ADGRL2: variants seen among roughly 807,000 people sequenced by gnomAD.
The protein encoded by ADGRL2 is adhesion G protein-coupled receptor L2.
ADGRL2 carries 44 observed loss-of-function variants against 157.4 expected under a neutral mutation model. That is an observed-to-expected ratio of 0.28 (90% confidence interval 0.22 to 0.36). ADGRL2 has a LOEUF of 0.36. ADGRL2 is among the 10% of genes least tolerant of loss of function. The pLI is 1.00. For synonymous variants in ADGRL2, 585 were observed against 624.7 expected (o/e 0.94, Z 0.95); for missense variants, 1,510 against 1,768.9 (o/e 0.85, Z 2.63).
chr1:81,827,255 G>A (rs567051092), intron 1 of ADGRL2, among the ~76,000 whole-genome samples: 2 of 152,264 alleles, frequency 1.3e-5, no homozygotes, highest in South Asian at 4.1e-4. Context: ...AATGTAATGT[G>A]GATCTGGGAT....
At chr1:81,345,631 C>A (rs1357152239) in intron 1 of ADGRL2, among the ~76,000 whole-genome samples, 1 of 151,924 alleles carries the variant, frequency 6.6e-6, no homozygotes, top group African/African-American at 2.4e-5. Context: ...ATCTGTACAG[C>A]ACCTAGAAAA....
At position 81,821,230 on chromosome 1, in the gene ADGRL2, AAC is replaced by A. The variant is rs141147922; in HGVS notation, c.-100-15653_-100-15652del. Among the ~76,000 whole-genome samples the A allele has an allele frequency of 1.0e-3, 159 of 152,322 alleles. 1 individual carries two copies. Among genetic ancestry groups the A allele is most frequent in the African/African-American group, 3.6e-3 (151 of 41,580 alleles). ...ACGTAAAGAAAGTTTTGACAATCTTAACAAGTCCATTGTCAAACTATTACCAG... is the reference window on the plus strand; with the variant it reads ...ACGTAAAGAAAGTTTTGACAATCTTAAAGTCCATTGTCAAACTATTACCAG... On this transcript the variant is annotated intron_variant, in intron 1 of 23. Coordinates refer to ENST00000686636, the MANE Select transcript of ADGRL2 (RefSeq NM_001366006.2).
rs550437664 is a variant in ADGRL2 at position 81,715,922 on chromosome 1, T to C, written c.-143+16114T>C. On this transcript the variant is annotated intron_variant, in intron 1 of 20. Coordinates refer to the ADGRL2 transcript ENST00000359929. Reference sequence around the variant, plus strand: ...AGATGTTCTGTTCCCACAGGCATTTTTGAGCTTGGCAATGCTAAAGTTAGG... The same window carrying C: ...AGATGTTCTGTTCCCACAGGCATTTCTGAGCTTGGCAATGCTAAAGTTAGG... Among the ~76,000 whole-genome samples, 458 of 152,266 alleles carry C rather than the reference T, an allele frequency of 3.0e-3. 1 individual carries two copies. The highest frequency in any genetic ancestry group is 7.5e-3 in the South Asian group (36 of 4,830).
intron 1 of ADGRL2, among the ~76,000 whole-genome samples, chr1:81,418,244 C>T (rs777572885): frequency 6.4e-4 from 98 of 152,146 alleles, no homozygotes; most frequent in Non-Finnish European, 1.0e-3. Context: ...CTAAAAAAAT[C>T]GCAACACTAT....
intron 1 of ADGRL2, among the ~76,000 whole-genome samples, chr1:81,707,264 C>A (rs2083767643): frequency 6.6e-6 from 1 of 152,150 alleles, no homozygotes; most frequent in South Asian, 2.1e-4. Flanking sequence ...CCATAAATCA[C>A]AATCAGGCTC....
At chr1:81,513,280 G>A (rs2079112988) in intron 2 of ADGRL2, among the ~76,000 whole-genome samples, 1 of 152,050 alleles carries the variant, frequency 6.6e-6, no homozygotes, top group South Asian at 2.1e-4. Flanking sequence ...GTATCCTTAG[G>A]CATCAAAAAT....
intron 3 of ADGRL2, among the ~76,000 whole-genome samples, chr1:81,932,467 CTGTTTCACTTGTTTTA>C (rs2095247160): frequency 6.6e-6 from 1 of 152,178 alleles, no homozygotes; most frequent in Non-Finnish European, 1.5e-5. Flanking sequence ...CACTTGTTTT[CTGTTTCACTTGTTTTA>C]CTAAGTTTTA....
chr1:81,839,891 T>A (rs1387142061), intron 2 of ADGRL2, among the ~76,000 whole-genome samples: 1 of 121,576 alleles, frequency 8.2e-6, no homozygotes, highest in Non-Finnish European at 1.9e-5. Context: ...ATATTTTCCA[T>A]CATATATATA....
intron 4 of ADGRL2, among the ~76,000 whole-genome samples, chr1:81,938,628 C>T (rs946825768): frequency 2.0e-4 from 30 of 151,660 alleles, no homozygotes; most frequent in African/African-American, 6.8e-4. Flanking sequence ...CCTTTCTAGA[C>T]ATTTGCACGA....
intron 2 of ADGRL2, among the ~76,000 whole-genome samples, chr1:81,471,204 T>A (rs12039783): frequency 0.097 from 14,701 of 152,228 alleles, 1,401 homozygotes; most frequent in East Asian, 0.53. Context: ...TGGGTATATT[T>A]TATACATTTC....
At chr1:81,841,809 G>A (rs1235406348) in intron 2 of ADGRL2, among the ~76,000 whole-genome samples, 2 of 152,164 alleles carry the variant, frequency 1.3e-5, no homozygotes, top group Non-Finnish European at 2.9e-5. Context: ...ATCCATAGCT[G>A]TCACATAAAT....
chr1:81,797,574 T>A (rs1214989592), upstream of ADGRL2, among the ~76,000 whole-genome samples: 1 of 152,186 alleles, frequency 6.6e-6, no homozygotes, highest in Non-Finnish European at 1.5e-5. Flanking sequence ...CTAATCACAA[T>A]ATTCTGCACC....
At chr1:81,664,881 G>A (rs2082723980) in intron 3 of ADGRL2, among the ~76,000 whole-genome samples, 1 of 152,038 alleles carries the variant, frequency 6.6e-6, no homozygotes, top group Admixed American at 6.6e-5. Context: ...ATACGTGTGT[G>A]TTTTGGTCAT....
intron 1 of ADGRL2, among the ~76,000 whole-genome samples, chr1:81,335,964 A>C (rs1336047789): frequency 6.6e-6 from 1 of 152,238 alleles, no homozygotes; most frequent in Non-Finnish European, 1.5e-5. Context: ...GCTGGAATCT[A>C]GATTCCAAAA....
chr1:81,701,810 C>T (rs1302754773), intron 1 of ADGRL2, among the ~76,000 whole-genome samples: 1 of 152,202 alleles, frequency 6.6e-6, no homozygotes, highest in African/African-American at 2.4e-5. Flanking sequence ...TATAGTAAGC[C>T]AGATAGATAC....
intron 1 of ADGRL2, among the ~76,000 whole-genome samples, chr1:81,325,496 G>A (rs1660833531): frequency 6.6e-6 from 1 of 152,106 alleles, no homozygotes; most frequent in South Asian, 2.1e-4. Context: ...TTGCTACTGG[G>A]CAAGTCCCTC....
chr1:81,544,861 G>T (rs2079974370), intron 2 of ADGRL2, among the ~76,000 whole-genome samples: 1 of 152,188 alleles, frequency 6.6e-6, no homozygotes, highest in African/African-American at 2.4e-5. Flanking sequence ...AAGGTCAGCA[G>T]AACTCTCATT....
At chr1:81,885,910 G>A (rs1015382588) in intron 2 of ADGRL2, among the ~76,000 whole-genome samples, 2 of 152,056 alleles carry the variant, frequency 1.3e-5, no homozygotes, top group Non-Finnish European at 2.9e-5. Context: ...GACGAATTAG[G>A]CTTAACATGT....
intron 3 of ADGRL2, among the ~76,000 whole-genome samples, chr1:81,632,420 G>A (rs572551414): frequency 2.0e-5 from 3 of 152,142 alleles, no homozygotes; most frequent in Non-Finnish European, 4.4e-5. Flanking sequence ...GAGGGAAGAA[G>A]GGCAAAGGCT....
Sources: gnomAD v4.1 joint callset for allele counts (sites outside exome capture counted in the v4.1 genomes callset) on GRCh38, gnomAD v4.1.1 for gene constraint, MANE v1.5 for transcripts, NCBI Gene and HGNC (gene_info 2026-07-23, HGNC 2026-07-21) for gene names.